Variants in EPHA6 observed in about 807,000 individuals in gnomAD.
EPHA6 encodes EPH receptor A6, also known as ephrin type-A receptor 6.
In EPHA6, 50 loss-of-function variants were observed where a neutral mutation model predicts 112.0. That is an observed-to-expected ratio of 0.45 (90% CI 0.36 to 0.56). The LOEUF (loss-of-function observed/expected upper bound fraction) is 0.56, where lower values mean the gene tolerates loss of function less well. EPHA6 is among the 20% of genes least tolerant of loss of function. The pLI is 0.00. For missense variants in EPHA6, 1,280 were observed against 1,417.4 expected (o/e 0.90, Z 1.56); for synonymous variants, 529 against 490.7 (o/e 1.08, Z -1.03).
chr3:96,940,807 C>T (rs1365534491), intron 2 of EPHA6, among the ~76,000 whole-genome samples: 3 of 152,162 alleles, frequency 2.0e-5, no homozygotes, highest in Admixed American at 6.5e-5. Flanking sequence ...GTGACAAAAT[C>T]TCTCGGCATT....
intron 7 of EPHA6, among the ~76,000 whole-genome samples, chr3:97,457,477 AGTT>A (rs1361026605): frequency 6.6e-6 from 1 of 152,192 alleles, no homozygotes; most frequent in Non-Finnish European, 1.5e-5. Flanking sequence ...TGAATGAAAG[AGTT>A]GTAAAAATGT....
chr3:97,739,758 G>A (rs1200998772), intron 16 of EPHA6, among the ~76,000 whole-genome samples: 2 of 151,856 alleles, frequency 1.3e-5, no homozygotes, highest in Non-Finnish European at 2.9e-5. Context: ...AGTGAATGTG[G>A]CAGTATTATA....
chr3:96,967,516 A>G (rs1244698916), intron 2 of EPHA6, among the ~76,000 whole-genome samples: 1 of 151,974 alleles, frequency 6.6e-6, no homozygotes, highest in Admixed American at 6.6e-5. Context: ...AAGCAGAATT[A>G]CTAGATCAGT....
At chr3:97,533,452 C>T (rs995206001) in intron 11 of EPHA6, among the ~76,000 whole-genome samples, 1 of 152,082 alleles carries the variant, frequency 6.6e-6, no homozygotes, top group Non-Finnish European at 1.5e-5. Context: ...GTCCAACATG[C>T]TACCCAAAAT....
intron 3 of EPHA6, among the ~76,000 whole-genome samples, chr3:97,194,042 T>A (rs1218377700): frequency 6.6e-6 from 1 of 151,990 alleles, no homozygotes; most frequent in Non-Finnish European, 1.5e-5. Flanking sequence ...TTTTTGTTGA[T>A]CTTTTGTGTT....
intron 3 of EPHA6, among the ~76,000 whole-genome samples, chr3:97,208,346 C>G (rs2077769642): frequency 6.6e-6 from 1 of 152,156 alleles, no homozygotes; most frequent in South Asian, 2.1e-4. Context: ...TATTTAGTTA[C>G]ATGAATAGTT....
intron 11 of EPHA6, among the ~76,000 whole-genome samples, chr3:97,570,622 C>T (rs1374512789): frequency 6.6e-6 from 1 of 151,778 alleles, no homozygotes; most frequent in Non-Finnish European, 1.5e-5. Context: ...CCCAGCTACT[C>T]TGGAGGCTGA....
At chr3:97,181,542 TGTTA>T (rs767527665) in intron 3 of EPHA6, among the ~76,000 whole-genome samples, 74 of 152,216 alleles carry the variant, frequency 4.9e-4, no homozygotes, top group Admixed American at 9.2e-4. Flanking sequence ...TGCTTTGATG[TGTTA>T]GTTCTTAAGG....
At chr3:97,174,192 C>T (rs1330899630) in intron 3 of EPHA6, among the ~76,000 whole-genome samples, 1 of 151,504 alleles carries the variant, frequency 6.6e-6, no homozygotes, top group Non-Finnish European at 1.5e-5. Context: ...ACATAATGAT[C>T]TCCAGTTTTA....
At chr3:97,397,229 T>C (rs994116311) in intron 5 of EPHA6, among the ~76,000 whole-genome samples, 6 of 151,734 alleles carry the variant, frequency 4.0e-5, no homozygotes, top group African/African-American at 9.7e-5. Flanking sequence ...TGCTTTTTTT[T>C]CCCTGACTTT....
In EPHA6 at chr3:96,820,970, C is replaced by T. The variant is rs572145838; in HGVS notation, c.385+5962C>T. On this transcript the variant is annotated intron_variant, in intron 1 of 17. Transcript: ENST00000389672. ...ATGATCAAATTACTGTTATTGAAAA[C>T]ACAAATTCTAAGTGATACTAGATAT... 3.3e-5 allele frequency among the ~76,000 whole-genome samples: 5 copies of T among 151,722 alleles called. No homozygotes were observed. In the East Asian group the frequency reaches 9.7e-4, roughly 29 times the overall value.
chr3:97,473,572 T>C (rs1362078214), intron 7 of EPHA6, among the ~76,000 whole-genome samples: 1 of 151,902 alleles, frequency 6.6e-6, no homozygotes. Flanking sequence ...AATTCTTGAA[T>C]TATGCTATTT....
intron 2 of EPHA6, among the ~76,000 whole-genome samples, chr3:96,954,929 A>ACT (rs915115478): frequency 6.6e-6 from 1 of 151,428 alleles, no homozygotes; most frequent in African/African-American, 2.4e-5. Context: ...GAGTAGCTGG[A>ACT]CTGGTGTGCC....
At chr3:97,042,694 G>A (rs972267008) in intron 3 of EPHA6, among the ~76,000 whole-genome samples, 4 of 152,128 alleles carry the variant, frequency 2.6e-5, no homozygotes, top group Admixed American at 2.0e-4. Context: ...GCTATAGCAG[G>A]CAAGGTTACT....
intron 3 of EPHA6, among the ~76,000 whole-genome samples, chr3:97,137,214 A>G (rs35574826): frequency 4.6e-5 from 7 of 152,176 alleles, no homozygotes; most frequent in Non-Finnish European, 1.0e-4. Context: ...GCAATTTGAA[A>G]TGCAATCCTC....
At chr3:97,218,951 A>G (rs1472805082) in intron 3 of EPHA6, among the ~76,000 whole-genome samples, 1 of 152,098 alleles carries the variant, frequency 6.6e-6, no homozygotes, top group Non-Finnish European at 1.5e-5. Context: ...GACCAGAACA[A>G]AAGGGCTCCA....
chr3:97,052,742 A>G (rs1317834978), intron 3 of EPHA6, among the ~76,000 whole-genome samples: 2 of 152,094 alleles, frequency 1.3e-5, no homozygotes, highest in African/African-American at 4.8e-5. Context: ...GAGGATTTTA[A>G]GTAAGGGAGT....
chr3:97,244,245 C>T lies in EPHA6; in HGVS notation c.1564C>T (p.Pro522Ser). 3 of 1,613,260 alleles carry T rather than the reference C, an allele frequency of 1.9e-6. No homozygotes were observed. The highest frequency in any genetic ancestry group is 2.2e-5 in the South Asian group (2 of 91,074). ...TGGAGTTTCTGAGTTGAGTTTTTCT[C>T]CCAAGCCATTCACAGCTATTACAGT... is the stretch of plus-strand genomic sequence containing the variant. ...MNGVSELSFSPKPFTAITVTT... is the reference protein window; with the variant it reads ...MNGVSELSFSSKPFTAITVTT... Residue 522 changes from proline (P) to serine (S), a missense_variant, in exon 5 of 18, where the codon CCC becomes TCC. By Grantham distance (74) the Pro-to-Ser change is moderately conservative (BLOSUM62 -1). This residue lies in a region of EPHA6 where 878 missense variants were observed against 999.7 expected (regional missense o/e 0.88). Coordinates refer to ENST00000389672, the MANE Select transcript of EPHA6 (RefSeq NM_001080448.3).
chr3:97,712,255 C>T (rs1162237708), intron 14 of EPHA6, among the ~76,000 whole-genome samples: 1 of 151,990 alleles, frequency 6.6e-6, no homozygotes, highest in Non-Finnish European at 1.5e-5. Flanking sequence ...GGAGGGTAGG[C>T]TGGGGTAGGT....
Sources: gnomAD v4.1 joint callset for allele counts (sites outside exome capture counted in the v4.1 genomes callset) on GRCh38, gnomAD v4.1.1 for gene constraint, gnomAD v4.1.1 regional missense constraint, MANE v1.5 for transcripts, NCBI Gene and HGNC (gene_info 2026-07-23, HGNC 2026-07-21) for gene names.